The following CNTN5 variants were observed in gnomAD, a reference collection of about 807,000 sequenced individuals.
The protein encoded by CNTN5 is contactin 5.
In CNTN5, 77 loss-of-function variants were observed where a neutral mutation model predicts 129.1. The observed-to-expected ratio is 0.60, with a 90% CI of 0.50 to 0.72. The LOEUF (loss-of-function observed/expected upper bound fraction) is 0.72. CNTN5 is among the 30% of genes least tolerant of loss of function. The pLI, the probability that CNTN5 is intolerant of heterozygous loss-of-function variation, is 0.00. For synonymous variants in CNTN5, 509 were observed against 465.6 expected, an observed-to-expected ratio of 1.09 and a Z score of -1.20; for missense variants, 1,478 against 1,328.8, an observed-to-expected ratio of 1.11 and a Z score of -1.75.
chr11:99,760,870 A>G (rs766190997), intron 3 of CNTN5, among the ~76,000 whole-genome samples: 3 of 152,146 alleles, frequency 2.0e-5, no homozygotes, highest in Non-Finnish European at 2.9e-5. Context: ...CATGTTGACT[A>G]CAACTTGGCA....
chr11:100,220,871 C>A (rs1014427840), intron 15 of CNTN5, among the ~76,000 whole-genome samples: 2 of 152,110 alleles, frequency 1.3e-5, no homozygotes, highest in African/African-American at 4.8e-5. Flanking sequence ...TTTCTCTTTT[C>A]CTAACTTACT....
chr11:100,234,712 T>C (rs1949571083), intron 16 of CNTN5, among the ~76,000 whole-genome samples: 1 of 150,066 alleles, frequency 6.7e-6, no homozygotes, highest in African/African-American at 2.5e-5. Flanking sequence ...AGATGACAGG[T>C]TGACGGGTGC....
intron 9 of CNTN5, among the ~76,000 whole-genome samples, chr11:100,042,479 T>C (rs1323663310): frequency 6.6e-6 from 1 of 152,170 alleles, no homozygotes; most frequent in Non-Finnish European, 1.5e-5. Context: ...AATAGGAAGC[T>C]CCATTAGACA....
intron 2 of CNTN5, among the ~76,000 whole-genome samples, chr11:99,504,466 G>A (rs149003048): frequency 0.011 from 1,603 of 150,686 alleles, 23 homozygotes; most frequent in African/African-American, 0.037. Context: ...GCTTGAACCC[G>A]GGAGGCGGAG....
chr11:100,035,131 C>T (rs1413160826), intron 9 of CNTN5, among the ~76,000 whole-genome samples: 4 of 152,076 alleles, frequency 2.6e-5, no homozygotes, highest in Non-Finnish European at 5.9e-5. Flanking sequence ...CTCCTCCCAC[C>T]CCACAACAGT....
chr11:100,135,754 C>T (rs6590621), intron 13 of CNTN5, among the ~76,000 whole-genome samples: 102,522 of 152,008 alleles, frequency 0.67, 35,952 homozygotes, highest in African/African-American at 0.87. Context: ...TTCTGACTAG[C>T]AAATATGGCT....
intron 1 of CNTN5, among the ~76,000 whole-genome samples, chr11:99,148,125 G>A (rs1242564208): frequency 6.6e-6 from 1 of 151,772 alleles, no homozygotes; most frequent in African/African-American, 2.4e-5. Context: ...GCCCTTTAAG[G>A]ATTGTAAATA....
At chr11:100,027,421 C>T (rs1239765344) in intron 9 of CNTN5, among the ~76,000 whole-genome samples, 1 of 152,082 alleles carries the variant, frequency 6.6e-6, no homozygotes, top group African/African-American at 2.4e-5. Flanking sequence ...AGGTTAAGAC[C>T]TTTCTTAGTA....
rs1948776432 is a variant in CNTN5, at chr11:100,201,508, T to C, written c.1884+7845T>C. Among the ~76,000 whole-genome samples, 4 of 152,120 alleles carry C rather than the reference T, an allele frequency of 2.6e-5. No individual in the cohort carries two copies. In the South Asian group the frequency reaches 8.3e-4, roughly 32 times the overall value. ...TACCTAAATTATCTTTGGTGCCTAATAACCATCTTTTCTCAGTATTCAACT... is the reference window on the plus strand; with the variant it reads ...TACCTAAATTATCTTTGGTGCCTAACAACCATCTTTTCTCAGTATTCAACT... On this transcript the variant is annotated intron_variant, in intron 15 of 24. Coordinates refer to ENST00000524871, the MANE Select transcript of CNTN5 (RefSeq NM_014361.4).
intron 3 of CNTN5, among the ~76,000 whole-genome samples, chr11:99,685,983 C>A (rs745358575): frequency 5.3e-5 from 8 of 151,902 alleles, no homozygotes; most frequent in Non-Finnish European, 1.0e-4. Context: ...TTACAGATAA[C>A]CCTGAAGAGC....
At chr11:99,972,876 C>T (rs1937669070) in intron 8 of CNTN5, among the ~76,000 whole-genome samples, 1 of 152,066 alleles carries the variant, frequency 6.6e-6, no homozygotes, top group South Asian at 2.1e-4. Flanking sequence ...CACAGTACTC[C>T]CAGATATTTC....
intron 1 of CNTN5, among the ~76,000 whole-genome samples, chr11:99,130,533 A>T (rs1163860492): frequency 1.3e-5 from 2 of 152,188 alleles, no homozygotes; most frequent in African/African-American, 4.8e-5. Context: ...GTAATGCCCT[A>T]CTGTCAGTAT....
intron 16 of CNTN5, among the ~76,000 whole-genome samples, chr11:100,232,072 T>G (rs992773007): frequency 3.3e-5 from 5 of 152,136 alleles, no homozygotes; most frequent in African/African-American, 9.6e-5. Context: ...TAGAATTGCT[T>G]GAACCTGGGA....
intron 8 of CNTN5, among the ~76,000 whole-genome samples, chr11:99,975,210 A>G (rs1937864871): frequency 6.6e-6 from 1 of 152,194 alleles, no homozygotes; most frequent in African/African-American, 2.4e-5. Context: ...TTGGCGCTTT[A>G]AGGTTTAATG....
chr11:99,224,657 A>ATTTTTTTTTTTTTTT (rs3082693), intron 1 of CNTN5, among the ~76,000 whole-genome samples: 1 of 108,972 alleles, frequency 9.2e-6, no homozygotes, highest in Non-Finnish European at 1.8e-5. Flanking sequence ...CCAAGGTTGC[A>ATTTTTTTTTTTTTTT]TTTTTTTTTT....
intron 1 of CNTN5, among the ~76,000 whole-genome samples, chr11:99,205,626 C>T (rs527280426): frequency 9.2e-5 from 14 of 152,220 alleles, no homozygotes; most frequent in African/African-American, 2.4e-4. Context: ...GCATTGTATA[C>T]TTGAAATTTG....
At chr11:99,612,596 T>C (rs1851495711) in intron 3 of CNTN5, among the ~76,000 whole-genome samples, 2 of 152,218 alleles carry the variant, frequency 1.3e-5, no homozygotes, top group South Asian at 4.1e-4. Context: ...AAGTCTTTCA[T>C]GAAACAACAA....
chr11:99,642,069 T>C (rs958238132), intron 3 of CNTN5, among the ~76,000 whole-genome samples: 1 of 152,160 alleles, frequency 6.6e-6, no homozygotes, highest in Non-Finnish European at 1.5e-5. Flanking sequence ...GGGATTTTTC[T>C]AAGTGTAGCT....
At position 100,074,209 on chromosome 11, in the gene CNTN5, G is replaced by A; in HGVS notation, c.1495G>A (p.Val499Ile). ...KTIIVTKDQEVVIECKPQGSP... is the reference protein window; with the variant it reads ...KTIIVTKDQEIVIECKPQGSP... ...AATAATTGTTACCAAAGACCAAGAA[G>A]TTGTCATAGAGTGCAAACCCCAAGG... The change falls in exon 13 of 25, where the codon GTT becomes ATT. Residue 499 changes from valine to isoleucine, a missense_variant. Physicochemically the swap from Val to Ile is conservative, Grantham distance 29. Transcript: ENST00000524871. 1.2e-6 allele frequency: 2 copies of A among 1,612,436 alleles called. No homozygotes were observed. Among genetic ancestry groups the A allele is most frequent in the African/African-American group, 2.7e-5 (2 of 75,022 alleles).
Sources: allele counts gnomAD v4.1 joint callset (sites outside exome capture counted in the v4.1 genomes callset), GRCh38; gene constraint gnomAD v4.1.1; transcripts MANE v1.5; gene names NCBI Gene and HGNC (gene_info 2026-07-23, HGNC 2026-07-21).